Variants in PADI1 observed in about 807,000 individuals in gnomAD.
PADI1 encodes protein-arginine deiminase type-1.
A neutral mutation model predicts 74.8 loss-of-function variants in PADI1; 65 were observed. The observed-to-expected ratio is 0.87, with a 90% CI of 0.71 to 1.07. The LOEUF (loss-of-function observed/expected upper bound fraction) is 1.07. PADI1 is among the 50% of genes least tolerant of loss of function. The pLI, the probability that PADI1 is intolerant of heterozygous loss-of-function variation, is 0.00. For missense variants in PADI1, 943 were observed against 854.0 expected (o/e 1.10, Z -1.30); for synonymous variants, 371 against 336.2 (o/e 1.10, Z -1.13).
In PADI1 at chr1:17,245,511, T is replaced by G. The variant is rs931197058; in HGVS notation, c.*1268T>G. On this transcript the variant is annotated 3_prime_UTR_variant, in exon 16 of 16. Transcript: ENST00000375471. This position sits in a 1 kb window ranked among gnomAD's most constrained non-coding sequence, Gnocchi z 4.1. ...TCCCCCACTGCCAGTGAGGCCATTG[T>G]AGGGCAGTTGGCCCTAGGGCTTCGG... 6 of 152,370 alleles carry G rather than the reference T, an allele frequency of 3.9e-5. No homozygotes were observed. Among genetic ancestry groups the G allele is most frequent in the African/African-American group, 1.4e-4 (6 of 41,452 alleles). The allele number at this position is 152,370 out of a possible 1,614,324, so 9.4% of individuals were successfully genotyped here.
chr1:17,219,647 C>T (rs923928587), intron 1 of PADI1, among the ~76,000 whole-genome samples: 5 of 152,008 alleles, frequency 3.3e-5, no homozygotes, highest in African/African-American at 4.8e-5. Flanking sequence ...CTGGCACCCT[C>T]GAGATGAGGA....
intron 3 of PADI1, 22 bp downstream of exon 3, chr1:17,223,715 G>T (rs1199157916): frequency 2.5e-6 from 4 of 1,605,128 alleles, no homozygotes; most frequent in Non-Finnish European, 3.4e-6. Flanking sequence ...CTCCCTGGCT[G>T]CCCATCTATC....
Position 17,207,306 on chromosome 1 carries a change from G to C in PADI1, c.92+1997G>C, listed in dbSNP as rs948557542. 3.9e-5 allele frequency among the ~76,000 whole-genome samples: 6 copies of C among 152,170 alleles called. No homozygotes were observed. In the East Asian group the frequency reaches 1.2e-3, roughly 29 times the overall value. On this transcript the variant is annotated intron_variant, in intron 1 of 15. Transcript: ENST00000375471. ...CCATGAGATGAGCTGAGTCCACTCT[G>C]CAGTTCACTGTGGAGGTGAAGTACC... is the stretch of plus-strand genomic sequence containing the variant.
intron 1 of PADI1, among the ~76,000 whole-genome samples, chr1:17,212,033 C>T (rs933246109): frequency 6.6e-6 from 1 of 152,234 alleles, no homozygotes; most frequent in Non-Finnish European, 1.5e-5. Flanking sequence ...GGCAGAGCCA[C>T]TGGCAGCACT....
intron 11 of PADI1, among the ~76,000 whole-genome samples, chr1:17,235,285 A>AGGAAGGAAGGAG (rs1557479061): frequency 7.1e-6 from 1 of 141,474 alleles, no homozygotes; most frequent in Non-Finnish European, 1.5e-5. Flanking sequence ...GAAGGAAGGA[A>AGGAAGGAAGGAG]GGAAGGAGGG....
At chr1:17,241,450 C>T (rs917034574) in intron 15 of PADI1, among the ~76,000 whole-genome samples, 2 of 150,606 alleles carry the variant, frequency 1.3e-5, no homozygotes, top group African/African-American at 4.9e-5. Flanking sequence ...TGGGACAAGC[C>T]GAGGGTTGGA....
rs200337349 is a variant in PADI1, at chr1:17,226,089, G to C, written c.583G>C (p.Asp195His). 12 of 1,614,040 alleles carry C rather than the reference G, an allele frequency of 7.4e-6. No homozygotes were observed. Among genetic ancestry groups the C allele is most frequent in the Admixed American group, 1.7e-5 (1 of 60,002 alleles). ...CTGCAATGGCCCCGACAAGCTCTTCGACAGCCACAAGCTTGTCTTGAACGT... is the reference window on the plus strand; with the variant it reads ...CTGCAATGGCCCCGACAAGCTCTTCCACAGCCACAAGCTTGTCTTGAACGT... Reference protein sequence around the residue: ...LSCNGPDKLFDSHKLVLNVPF... With the variant: ...LSCNGPDKLFHSHKLVLNVPF... Residue 195 changes from aspartate to histidine, a missense_variant, in exon 6 of 16, where the codon GAC (aspartate) becomes CAC (histidine). Physicochemically the swap from Asp to His is moderately conservative, Grantham distance 81. Coordinates refer to ENST00000375471, the MANE Select transcript of PADI1 (RefSeq NM_013358.3).
chr1:17,241,883 C>T (rs1569856410), intron 15 of PADI1, among the ~76,000 whole-genome samples: 1 of 149,364 alleles, frequency 6.7e-6, no homozygotes, highest in Non-Finnish European at 1.5e-5. Context: ...GGGATGGAAT[C>T]AGGGTTGCAA....
intron 11 of PADI1, among the ~76,000 whole-genome samples, chr1:17,233,173 T>C (rs900816239): frequency 2.0e-5 from 3 of 152,242 alleles, no homozygotes; most frequent in African/African-American, 7.2e-5. Flanking sequence ...CACACGCTTG[T>C]GGCCTGCGAT....
Position 17,244,165 on chromosome 1 carries a change from G to T in PADI1, c.1914G>T (p.Glu638Asp), listed in dbSNP as rs771237399. ...TTGATGACTACTTGTCCTACCACGA[G>T]CTGCAGGGGGAGATCCACTGTGGCA... ...IFIDDYLSYH[E>D]LQGEIHCGTN... is the part of the protein sequence containing the mutation. Residue 638 changes from glutamate to aspartate, a missense_variant, in exon 16 of 16, where the codon GAG becomes GAT. Coordinates refer to ENST00000375471, the MANE Select transcript of PADI1 (RefSeq NM_013358.3). 15 of 1,614,094 alleles carry T rather than the reference G, an allele frequency of 9.3e-6. No homozygotes were observed. In the African/African-American group the frequency reaches 1.7e-4, roughly 19 times the overall value.
chr1:17,220,781 G>C (rs1022379166), intron 1 of PADI1, among the ~76,000 whole-genome samples: 1 of 152,228 alleles, frequency 6.6e-6, no homozygotes, highest in African/African-American at 2.4e-5. Flanking sequence ...GGAACTCTGG[G>C]GATTAGTGCA....
chr1:17,228,488 C>A, intron 6 of PADI1, 137 bp from the exon 7 acceptor site: 2 of 795,704 alleles, frequency 2.5e-6, no homozygotes, highest in Non-Finnish European at 2.1e-6. Context: ...TGAGCTAAGG[C>A]CATGCAGCTT....
At chr1:17,233,502 C>A (rs2072553300) in intron 11 of PADI1, among the ~76,000 whole-genome samples, 1 of 152,238 alleles carries the variant, frequency 6.6e-6, no homozygotes, top group Non-Finnish European at 1.5e-5. Flanking sequence ...TCACCCTGGA[C>A]AGATGTGATG....
At chr1:17,219,660 G>C (rs369680142) in intron 1 of PADI1, among the ~76,000 whole-genome samples, 2 of 152,212 alleles carry the variant, frequency 1.3e-5, no homozygotes, top group East Asian at 1.9e-4. Context: ...GATGAGGACA[G>C]AGCGATGGTG....
chr1:17,211,283 C>T (rs1251134425), intron 1 of PADI1, among the ~76,000 whole-genome samples: 2 of 152,050 alleles, frequency 1.3e-5, no homozygotes, highest in Non-Finnish European at 2.9e-5. Flanking sequence ...GATCTTGGCT[C>T]ACTGCAACCT....
intron 7 of PADI1, 63 bp from the exon 8 acceptor site, chr1:17,228,885 G>T (rs2072402592): frequency 5.7e-6 from 9 of 1,570,724 alleles, no homozygotes; most frequent in African/African-American, 2.7e-5. Context: ...GCTGGGGGCT[G>T]GGGGGGCTTG....
intron 15 of PADI1, among the ~76,000 whole-genome samples, chr1:17,241,228 C>T (rs1159517433): frequency 6.6e-6 from 1 of 152,164 alleles, no homozygotes; most frequent in Non-Finnish European, 1.5e-5. Flanking sequence ...GCCTCGCTGA[C>T]TCTCATTAAC....
intron 2 of PADI1, among the ~76,000 whole-genome samples, chr1:17,222,702 A>G (rs2072192393): frequency 6.6e-6 from 1 of 152,110 alleles, no homozygotes; most frequent in Admixed American, 6.5e-5. Context: ...CTCCCACAAA[A>G]CACAAGCTCT....
chr1:17,211,835 T>A (rs1036789223), intron 1 of PADI1, among the ~76,000 whole-genome samples: 4 of 152,112 alleles, frequency 2.6e-5, no homozygotes, highest in African/African-American at 9.7e-5. Flanking sequence ...TTCTGTAAAA[T>A]GGGGAGAAGA....
Sources: allele counts gnomAD v4.1 joint callset (sites outside exome capture counted in the v4.1 genomes callset), GRCh38; gene constraint gnomAD v4.1.1; non-coding constraint Gnocchi (gnomAD v3.1); transcripts MANE v1.5; gene names NCBI Gene and HGNC (gene_info 2026-07-23, HGNC 2026-07-21).